HNRNPA3: variants seen among roughly 807,000 people sequenced by gnomAD.
The protein encoded by HNRNPA3 is heterogeneous nuclear ribonucleoprotein A3.
A neutral mutation model predicts 45.8 loss-of-function variants in HNRNPA3; 3 were observed. The ratio of observed to expected loss-of-function variants is 0.07; its 90% CI spans 0.03 to 0.17. HNRNPA3 has a LOEUF of 0.17. Among genes scored for constraint, HNRNPA3 ranks in the 10% least tolerant of loss-of-function variants. The pLI is 1.00. For missense variants in HNRNPA3, 183 were observed against 480.3 expected, an observed-to-expected ratio of 0.38 and a Z score of 5.79; for synonymous variants, 170 against 155.6, an observed-to-expected ratio of 1.09 and a Z score of -0.69.
At chr2:177,218,524 C>T (rs559211098) in intron 8 of HNRNPA3, among the ~76,000 whole-genome samples, 1 of 152,290 alleles carries the variant, frequency 6.6e-6, no homozygotes, top group African/African-American at 2.4e-5. Context: ...TTGAATACTC[C>T]AGACGTGTTG....
chr2:177,215,945 G>A (rs1688915472), intron 3 of HNRNPA3, 33 bp from the exon 4 acceptor site: 1 of 1,596,938 alleles, frequency 6.3e-7, no homozygotes, highest in Non-Finnish European at 8.5e-7. Flanking sequence ...GTGAAAGTTT[G>A]TTTCTTGACT....
chr2:177,214,185 A>C (rs898741389), intron 1 of HNRNPA3, among the ~76,000 whole-genome samples: 1 of 152,340 alleles, frequency 6.6e-6, no homozygotes. Flanking sequence ...AAGACATCTT[A>C]ATTCTTAAAA....
At chr2:177,219,143 G>A (rs774235189) in exon 9 of HNRNPA3, 32 of 1,613,914 alleles carry the variant, frequency 2.0e-5, no homozygotes, top group African/African-American at 4.0e-5. Context: ...GAAGAAGCTC[G>A]GGCAGTCCCT....
At chr2:177,212,900 G>A in intron 1 of HNRNPA3, 29 bp downstream of exon 1, 2 of 1,369,748 alleles carry the variant, frequency 1.5e-6, no homozygotes, top group Non-Finnish European at 2.0e-6. Context: ...GGGGTTGGTG[G>A]GGAATGGCCG....
downstream of HNRNPA3, chr2:177,223,158 G>A (rs1689260762): frequency 6.6e-6 from 1 of 152,140 alleles, no homozygotes; most frequent in Non-Finnish European, 1.5e-5. Context: ...CCAGAGTTTA[G>A]TCTCAGAAAA....
downstream of HNRNPA3, chr2:177,221,483 T>G (rs575720738): frequency 6.5e-6 from 1 of 152,790 alleles, no homozygotes; most frequent in South Asian, 2.1e-4. Context: ...TTCTATGTTC[T>G]GGAACTAGTA....
downstream of HNRNPA3, chr2:177,223,304 GTTTA>G (rs757971799): frequency 1.8e-4 from 28 of 151,396 alleles, no homozygotes; most frequent in Non-Finnish European, 2.7e-4. Flanking sequence ...GTTCTTTCTA[GTTTA>G]TTTCTTTTTA....
chr2:177,214,515 G>T (rs1688841664), intron 1 of HNRNPA3, among the ~76,000 whole-genome samples: 1 of 152,194 alleles, frequency 6.6e-6, no homozygotes, highest in African/African-American at 2.4e-5. Flanking sequence ...AAATGTATGG[G>T]CCGGGCGCTG....
rs745553559 is a variant in HNRNPA3, at chr2:177,216,658, C to T, written c.644-18C>T. ...GTGTTTGTAAGGTTCTTAAAAATCT[C>T]CCTTGCCTGTATTAAAGGTCGTGGA... On this transcript the variant is annotated intron_variant, in intron 5 of 10. Transcript: ENST00000392524. 7.4e-6 allele frequency: 12 copies of T among 1,613,778 alleles called. No homozygotes were observed. The highest frequency in any genetic ancestry group is 3.3e-5 in the Admixed American group (2 of 59,990).
intron 1 of HNRNPA3, 66 bp downstream of exon 1, chr2:177,212,937 C>A: frequency 1.9e-6 from 2 of 1,060,582 alleles, no homozygotes; most frequent in African/African-American, 1.7e-5. Flanking sequence ...TCGGTGGGAG[C>A]GGGGAGGCCG....
chr2:177,218,295 C>T (rs1689043448), intron 8 of HNRNPA3, among the ~76,000 whole-genome samples: 1 of 152,090 alleles, frequency 6.6e-6, no homozygotes, highest in East Asian at 1.9e-4. Context: ...ATCTCCTGAC[C>T]TTGTGATCTG....
chr2:177,217,601 C>A lies in HNRNPA3; in HGVS notation c.821-104C>A, dbSNP rs546117845. 2.1e-6 allele frequency: 3 copies of A among 1,415,654 alleles called. No individual in the cohort carries two copies. In the African/African-American group the frequency reaches 4.2e-5, roughly 20 times the overall value. 87.7% of individuals were successfully genotyped at this position (1,415,654 alleles called of 1,614,324 possible). ...GTGGTTGCACCACTGTACTTGAGCC[C>A]GGGCAACAGAGCAAGACCCAGTCTC... On this transcript the variant is annotated intron_variant, in intron 7 of 10. Coordinates refer to ENST00000392524, the Ensembl canonical transcript of HNRNPA3.
At chr2:177,218,905 C>A in intron 8 of HNRNPA3, 132 bp from the exon 9 acceptor site, 2 of 1,068,544 alleles carry the variant, frequency 1.9e-6, no homozygotes, top group Non-Finnish European at 2.7e-6. Context: ...CATCAGTTAC[C>A]CCAAGTGGTG....
chr2:177,217,964 T>TA, intron 8 of HNRNPA3, 119 bp downstream of exon 8: 1 of 1,048,876 alleles, frequency 9.5e-7, no homozygotes, highest in Non-Finnish European at 1.3e-6. Flanking sequence ...ATAAGAAAAA[T>TA]ACTAAAATGG....
downstream of HNRNPA3, chr2:177,223,407 AAAG>A (rs751070433): frequency 2.0e-5 from 3 of 152,188 alleles, no homozygotes; most frequent in African/African-American, 4.8e-5. Flanking sequence ...TAAAAAAAAA[AAAG>A]TTGTTATATA....
downstream of HNRNPA3, chr2:177,222,893 C>G (rs1689243787): frequency 6.6e-6 from 1 of 152,578 alleles, no homozygotes; most frequent in African/African-American, 2.4e-5. Context: ...CATTTTCGTT[C>G]CTTTTTTGTT....
At chr2:177,217,793 T>C in exon 8 of HNRNPA3, 2 of 1,612,216 alleles carry the variant, frequency 1.2e-6, no homozygotes, top group Non-Finnish European at 1.7e-6. Flanking sequence ...GTGGTGGATA[T>C]GGTGGAGGTG....
chr2:177,215,071 C>A (rs1293387045), intron 1 of HNRNPA3, among the ~76,000 whole-genome samples: 2 of 152,118 alleles, frequency 1.3e-5, no homozygotes, highest in Non-Finnish European at 2.9e-5. Context: ...GCCCCTTTAA[C>A]AGTTGAAGTC....
At chr2:177,215,438 A>C in intron 1 of HNRNPA3, 101 bp from the exon 2 acceptor site, 2 of 1,204,164 alleles carry the variant, frequency 1.7e-6, no homozygotes, top group Non-Finnish European at 2.4e-6. Context: ...TGTCACAGGA[A>C]TTTGATGTTG....
Sources: allele counts gnomAD v4.1 joint callset (sites outside exome capture counted in the v4.1 genomes callset), GRCh38; gene constraint gnomAD v4.1.1; transcripts MANE v1.5; gene names NCBI Gene and HGNC (gene_info 2026-07-23, HGNC 2026-07-21).